The following LINGO2 variants were observed in gnomAD, a reference collection of about 807,000 sequenced individuals.
The protein encoded by LINGO2 is leucine rich repeat and Ig domain containing 2.
Under a neutral mutation model 30.6 loss-of-function variants are expected in LINGO2, and 14 were observed. The observed-to-expected ratio is 0.46, with a 90% CI of 0.30 to 0.72. The LOEUF is 0.72. Ranked by LOEUF, LINGO2 falls within the 30% of genes least tolerant of loss-of-function variation. The pLI is 0.07. For missense variants in LINGO2, 729 were observed against 751.7 expected (o/e 0.97, Z 0.35); for synonymous variants, 317 against 288.5 (o/e 1.10, Z -1.00).
At chr9:28,278,797 A>T (rs1047294206) in intron 4 of LINGO2, among the ~76,000 whole-genome samples, 1 of 152,196 alleles carries the variant, frequency 6.6e-6, no homozygotes, top group Non-Finnish European at 1.5e-5. Context: ...AGTAGTTTTG[A>T]CTTTTAGGTT....
intron 2 of LINGO2, among the ~76,000 whole-genome samples, chr9:28,444,315 A>C (rs1430206267): frequency 6.6e-6 from 1 of 152,180 alleles, no homozygotes; most frequent in African/African-American, 2.4e-5. Flanking sequence ...GGTTCCCAAA[A>C]CCAAAGCTGC....
chr9:28,310,011 T>C (rs1254570324), intron 3 of LINGO2, among the ~76,000 whole-genome samples: 1 of 152,118 alleles, frequency 6.6e-6, no homozygotes, highest in Non-Finnish European at 1.5e-5. Context: ...TACCAAGTGT[T>C]GGCAAGGGTG....
intron 4 of LINGO2, among the ~76,000 whole-genome samples, chr9:28,064,803 G>A (rs1825263559): frequency 6.6e-6 from 1 of 152,002 alleles, no homozygotes; most frequent in Non-Finnish European, 1.5e-5. Context: ...CAAACCTGGT[G>A]CCTTTGCCAA....
At chr9:28,272,960 C>T (rs1564087898) in intron 4 of LINGO2, among the ~76,000 whole-genome samples, 1 of 152,312 alleles carries the variant, frequency 6.6e-6, no homozygotes, top group South Asian at 2.1e-4. Context: ...TCCCAGTGCA[C>T]ATCAGCTGAA....
chr9:28,975,328 GCTGATGACCTATGAAC>G, the LINGO2 span, among the ~76,000 whole-genome samples: 2 of 152,108 alleles, frequency 1.3e-5, no homozygotes, highest in South Asian at 4.1e-4. Flanking sequence ...ATATTTTAAG[GCTGATGACCTATGAAC>G]CTCAAGTAGT....
At chr9:27,956,984 A>G (rs549055509) in intron 5 of LINGO2, among the ~76,000 whole-genome samples, 2 of 152,200 alleles carry the variant, frequency 1.3e-5, no homozygotes, top group Non-Finnish European at 2.9e-5. Flanking sequence ...ATTCCTAGCT[A>G]CTCAGGAAGC....
chr9:28,416,063 T>C (rs1822954562), intron 2 of LINGO2, among the ~76,000 whole-genome samples: 1 of 152,146 alleles, frequency 6.6e-6, no homozygotes, highest in Non-Finnish European at 1.5e-5. Context: ...ACTGTAAAGA[T>C]TGAGGATTTT....
intron 4 of LINGO2, among the ~76,000 whole-genome samples, chr9:28,189,054 C>G (rs537591584): frequency 8.4e-5 from 6 of 71,170 alleles, no homozygotes; most frequent in African/African-American, 2.7e-4. Context: ...GGATATATCC[C>G]AGAAAAGTTC....
chr9:28,494,927 G>C (rs952518786), intron 1 of LINGO2, among the ~76,000 whole-genome samples: 43 of 152,162 alleles, frequency 2.8e-4, no homozygotes, highest in Non-Finnish European at 4.6e-4. Context: ...CTGTGAGATG[G>C]TATCACACTG....
chr9:28,844,514 G>A, the LINGO2 span, among the ~76,000 whole-genome samples: 5 of 151,840 alleles, frequency 3.3e-5, no homozygotes, highest in African/African-American at 1.2e-4. Context: ...AAAAGTGCAT[G>A]CAGTCTTTAA....
chr9:28,363,027 A>G (rs1000744315), intron 3 of LINGO2, among the ~76,000 whole-genome samples: 1 of 152,204 alleles, frequency 6.6e-6, no homozygotes. Flanking sequence ...GCATAATCAT[A>G]TAATTATTAT....
chr9:28,070,138 T>C (rs982938642), intron 4 of LINGO2, among the ~76,000 whole-genome samples: 1 of 152,130 alleles, frequency 6.6e-6, no homozygotes, highest in Non-Finnish European at 1.5e-5. Flanking sequence ...TCAATAAGAG[T>C]TACCCACTTT....
intron 2 of LINGO2, among the ~76,000 whole-genome samples, chr9:28,395,576 G>A (rs1822006987): frequency 6.6e-6 from 1 of 152,156 alleles, no homozygotes; most frequent in Middle Eastern, 3.4e-3. Context: ...GGAAAGCCTG[G>A]TCTCCAGGGC....
At chr9:28,084,552 A>G (rs1360401919) in intron 4 of LINGO2, among the ~76,000 whole-genome samples, 1 of 152,136 alleles carries the variant, frequency 6.6e-6, no homozygotes, top group Non-Finnish European at 1.5e-5. Flanking sequence ...AAAGTATTCT[A>G]TTAAAAACCT....
At chr9:28,601,852 T>C (rs1300352757) in intron 1 of LINGO2, among the ~76,000 whole-genome samples, 1 of 151,864 alleles carries the variant, frequency 6.6e-6, no homozygotes, top group Non-Finnish European at 1.5e-5. Context: ...AATGAAAAAA[T>C]CTAGAATGTG....
chr9:28,647,979 G>A (rs1827918330), intron 1 of LINGO2, among the ~76,000 whole-genome samples: 1 of 148,398 alleles, frequency 6.7e-6, no homozygotes. Context: ...CCAAGATGTA[G>A]ACACATGTAC....
chr9:28,202,763 G>A (rs10812755), intron 4 of LINGO2, among the ~76,000 whole-genome samples: 12,120 of 152,156 alleles, frequency 0.08, 689 homozygotes, highest in East Asian at 0.21. Flanking sequence ...GGCTGAGAAT[G>A]TAGGAATGTG....
intron 2 of LINGO2, among the ~76,000 whole-genome samples, chr9:28,438,498 C>A (rs2134999546): frequency 6.6e-6 from 1 of 152,272 alleles, no homozygotes; most frequent in African/African-American, 2.4e-5. Context: ...CTCCTGTCTT[C>A]AGCCTCAGAC....
In LINGO2 at chr9:27,951,213, A is replaced by G. The variant is rs147556992; in HGVS notation, c.-35-507T>C. 7.5e-3 allele frequency among the ~76,000 whole-genome samples: 1,135 copies of G among 152,318 alleles called. 18 individuals carry two copies. The highest frequency in any genetic ancestry group is 0.025 in the African/African-American group (1,040 of 41,572). On this transcript the variant is annotated intron_variant, in intron 5 of 5. Transcript: ENST00000379992. ...GCCTTTAGGTGCAACATACAAAACA[A>G]ACTTATATTCAGTGCAAGGTGTTGG...
Sources: allele counts gnomAD v4.1 joint callset (sites outside exome capture counted in the v4.1 genomes callset), GRCh38; gene constraint gnomAD v4.1.1; transcripts MANE v1.5; gene names NCBI Gene and HGNC (gene_info 2026-07-23, HGNC 2026-07-21).